Variants in CDIN1 observed in about 807,000 individuals in gnomAD.
CDIN1 encodes the protein CDAN1-interacting nuclease 1.
CDIN1 carries 33 observed loss-of-function variants against 45.3 expected under a neutral mutation model. The ratio of observed to expected loss-of-function variants is 0.73; its 90% CI spans 0.55 to 0.97. The LOEUF (loss-of-function observed/expected upper bound fraction) is 0.97. Ranked by LOEUF, CDIN1 falls within the 50% of genes least tolerant of loss-of-function variation. The pLI is 0.00. For synonymous variants in CDIN1, 118 were observed against 124.4 expected, an observed-to-expected ratio of 0.95 and a Z score of 0.34; for missense variants, 303 against 339.4, an observed-to-expected ratio of 0.89 and a Z score of 0.84.
chr15:36,690,731 C>T (rs2042219017), intron 5 of CDIN1, among the ~76,000 whole-genome samples: 1 of 151,976 alleles, frequency 6.6e-6, no homozygotes, highest in African/African-American at 2.4e-5. Flanking sequence ...GTGGATCAGA[C>T]CATAAGCCAT....
At chr15:36,747,593 C>T (rs1414134795) in intron 10 of CDIN1, among the ~76,000 whole-genome samples, 1 of 152,204 alleles carries the variant, frequency 6.6e-6, no homozygotes, top group Non-Finnish European at 1.5e-5. Context: ...AATCTAATTT[C>T]ATGAGTGAAG....
At chr15:36,751,229 T>TATATATATATATA (rs1555404178) in intron 10 of CDIN1, among the ~76,000 whole-genome samples, 976 of 97,440 alleles carry the variant, frequency 0.01, 21 homozygotes, top group East Asian at 0.018. Flanking sequence ...TATGCTTATT[T>TATATATATATATA]TATATATATA....
At chr15:36,593,597 G>A (rs986474780) in intron 1 of CDIN1, among the ~76,000 whole-genome samples, 12 of 151,976 alleles carry the variant, frequency 7.9e-5, no homozygotes, top group South Asian at 2.1e-4. Context: ...ATGGAGTCTC[G>A]CTCTCACTGA....
intron 1 of CDIN1, among the ~76,000 whole-genome samples, chr15:36,613,018 G>A (rs1329363743): frequency 1.3e-5 from 2 of 152,190 alleles, no homozygotes; most frequent in Non-Finnish European, 2.9e-5. Context: ...ATTTGATATA[G>A]TCAAAATTTC....
intron 10 of CDIN1, among the ~76,000 whole-genome samples, chr15:36,800,871 G>GTA (rs2054994894): frequency 7.7e-5 from 4 of 51,810 alleles, no homozygotes; most frequent in Admixed American, 3.0e-4. Context: ...GTGTGTGTGT[G>GTA]TGTATATATG....
At chr15:36,696,946 TAAAAA>T (rs1163749494) in intron 7 of CDIN1, among the ~76,000 whole-genome samples, 5 of 92,256 alleles carry the variant, frequency 5.4e-5, no homozygotes, top group African/African-American at 8.5e-5. Flanking sequence ...ATTCCATTTC[TAAAAA>T]AAAAAAAAAA....
At chr15:36,623,093 G>C (rs1044643847) in intron 1 of CDIN1, among the ~76,000 whole-genome samples, 1 of 152,058 alleles carries the variant, frequency 6.6e-6, no homozygotes, top group South Asian at 2.1e-4. Flanking sequence ...GCTTTTGGGG[G>C]CTTTCACAGG....
chr15:36,796,964 T>C (rs1195222115), intron 10 of CDIN1, among the ~76,000 whole-genome samples: 1 of 152,258 alleles, frequency 6.6e-6, no homozygotes, highest in African/African-American at 2.4e-5. Context: ...AGGCAGAGTA[T>C]AAATACATTA....
At chr15:36,671,131 G>C (rs2041434949) in intron 5 of CDIN1, among the ~76,000 whole-genome samples, 1 of 152,096 alleles carries the variant, frequency 6.6e-6, no homozygotes, top group Non-Finnish European at 1.5e-5. Context: ...TTAATGTGTG[G>C]CCTTATTCTG....
chr15:36,792,586 A>C (rs1182506740), intron 10 of CDIN1, among the ~76,000 whole-genome samples: 1 of 148,634 alleles, frequency 6.7e-6, no homozygotes, highest in Non-Finnish European at 1.5e-5. Flanking sequence ...TTTCTGTATG[A>C]AGTGGAAATG....
chr15:36,791,977 T>C (rs1425932498), intron 10 of CDIN1, among the ~76,000 whole-genome samples: 1 of 152,210 alleles, frequency 6.6e-6, no homozygotes, highest in African/African-American at 2.4e-5. Context: ...TAAACACATA[T>C]TAATCAGCTA....
intron 10 of CDIN1, among the ~76,000 whole-genome samples, chr15:36,736,941 C>T (rs1482695892): frequency 2.0e-5 from 3 of 151,810 alleles, no homozygotes; most frequent in Non-Finnish European, 4.4e-5. Context: ...CTGAGGCGAG[C>T]GGATCACCTG....
chr15:36,605,892 AC>A, intron 1 of CDIN1, among the ~76,000 whole-genome samples: 1 of 152,310 alleles, frequency 6.6e-6, no homozygotes, highest in African/African-American at 2.4e-5. Flanking sequence ...AGTTCAGTGA[AC>A]GGCTTGAAGT....
chr15:36,726,344 C>T (rs996013089), intron 10 of CDIN1, among the ~76,000 whole-genome samples: 5 of 152,126 alleles, frequency 3.3e-5, no homozygotes, highest in African/African-American at 1.2e-4. Context: ...GCTTCAGTTC[C>T]AATTTCCTGG....
chr15:36,797,599 ACCAGCAATC>A (rs1245473109), intron 10 of CDIN1, among the ~76,000 whole-genome samples: 1 of 152,312 alleles, frequency 6.6e-6, no homozygotes, highest in African/African-American at 2.4e-5. Flanking sequence ...ATAGATTCCT[ACCAGCAATC>A]CCAGCAATCT....
intron 10 of CDIN1, among the ~76,000 whole-genome samples, chr15:36,795,764 G>A (rs1011963755): frequency 6.6e-6 from 1 of 151,692 alleles, no homozygotes; most frequent in Admixed American, 6.6e-5. Context: ...ATGCAGTGGG[G>A]CAGTCATAGC....
Position 36,756,041 on chromosome 15 carries a change from T to G in CDIN1, c.716+46080T>G, listed in dbSNP as rs573373205. On this transcript the variant is annotated intron_variant, in intron 10 of 10. Coordinates refer to ENST00000566621, the MANE Select transcript of CDIN1 (RefSeq NM_001321759.2). ...TGCTGAGTCCAGCAAGGAGAAGCGT[T>G]GATGCCTTTATTCAACAAATTCCTA... The G allele has an allele frequency of 1.1e-3, 490 of 455,996 alleles. 2 individuals carry two copies. Among genetic ancestry groups the G allele is most frequent in the African/African-American group, 5.4e-3 (271 of 50,200 alleles). 28.2% of individuals were successfully genotyped at this position (455,996 alleles called of 1,614,324 possible). A position where few individuals can be genotyped will look rare whatever the true frequency, so the allele number is the denominator to read the frequency against.
chr15:36,765,390 T>TGCTACCACTA (rs2053893917), intron 10 of CDIN1, among the ~76,000 whole-genome samples: 1 of 152,148 alleles, frequency 6.6e-6, no homozygotes, highest in Admixed American at 6.5e-5. Flanking sequence ...AATAAACTTT[T>TGCTACCACTA]TTCTTGTTTA....
chr15:36,594,109 G>T (rs955871608), intron 1 of CDIN1, among the ~76,000 whole-genome samples: 2 of 152,140 alleles, frequency 1.3e-5, no homozygotes, highest in African/African-American at 2.4e-5. Context: ...AATTGGGCAA[G>T]ACAGTAATTT....
Sources: allele counts gnomAD v4.1 joint callset (sites outside exome capture counted in the v4.1 genomes callset), GRCh38; gene constraint gnomAD v4.1.1; transcripts MANE v1.5; gene names NCBI Gene and HGNC (gene_info 2026-07-23, HGNC 2026-07-21).